Variants in DIP2A observed in about 807,000 individuals in gnomAD.
DIP2A encodes the protein disco-interacting protein 2 homolog A.
In DIP2A, 85 loss-of-function variants were observed where a neutral mutation model predicts 177.4. That is an observed-to-expected ratio of 0.48 (90% CI 0.40 to 0.57). The LOEUF is 0.57. DIP2A is among the 20% of genes least tolerant of loss of function. The pLI is 0.00. For missense variants in DIP2A, 1,791 were observed against 2,100.2 expected (o/e 0.85, Z 2.88); for synonymous variants, 886 against 881.8 (o/e 1.00, Z -0.08).
Position 46,476,652 on chromosome 21 carries a change from ATTTTTTTTT to A in DIP2A, c.92-8095_92-8087del, listed in dbSNP as rs111428142. ...CGTCTTCTAGTCATAGCATCACTCT[ATTTTTTTTT>A]TTTTTTTTTGGAGACAGAGTCTCAC... is the stretch of plus-strand genomic sequence containing the variant. On this transcript the variant is annotated intron_variant, in intron 1 of 37. Transcript: ENST00000417564. 3.1e-5 allele frequency among the ~76,000 whole-genome samples: 4 copies of A among 129,906 alleles called. No individual in the cohort carries two copies. The East Asian group carries it at 9.1e-4, about 30-fold the overall frequency. The allele number at this position is 129,906 out of a possible 152,430, so 85.2% of individuals were successfully genotyped here. A position where few individuals can be genotyped will look rare whatever the true frequency, so the allele number is the denominator to read the frequency against.
At chr21:46,560,594 G>A in intron 32 of DIP2A, 128 bp from the exon 33 acceptor site, 1 of 1,288,354 alleles carries the variant, frequency 7.8e-7, no homozygotes, top group East Asian at 2.6e-5. Context: ...CTCACTGCAG[G>A]GAGCAGAGCT....
At chr21:46,538,116 TGTTTA>T (rs2059649594) in intron 15 of DIP2A, among the ~76,000 whole-genome samples, 1 of 152,144 alleles carries the variant, frequency 6.6e-6, no homozygotes, top group South Asian at 2.1e-4. Context: ...TGAGACCATC[TGTTTA>T]GCTTCTGGGG....
intron 1 of DIP2A, among the ~76,000 whole-genome samples, chr21:46,483,651 G>A (rs1269400161): frequency 3.3e-5 from 5 of 152,194 alleles, no homozygotes; most frequent in Non-Finnish European, 7.3e-5. Flanking sequence ...GATATTCAAC[G>A]GTGTCAGTCT....
intron 1 of DIP2A, among the ~76,000 whole-genome samples, chr21:46,476,748 C>T (rs938526263): frequency 6.6e-6 from 1 of 151,454 alleles, no homozygotes; most frequent in East Asian, 1.9e-4. Flanking sequence ...CCTCCACGTC[C>T]TGGGTTCAAG....
chr21:46,469,069 T>C (rs991329693), intron 1 of DIP2A: 1 of 152,224 alleles, frequency 6.6e-6, no homozygotes, highest in African/African-American at 2.4e-5. Context: ...TTAAAACTCA[T>C]TGTATCACTC....
intron 18 of DIP2A, among the ~76,000 whole-genome samples, chr21:46,543,798 G>A (rs1040860618): frequency 6.6e-6 from 1 of 152,130 alleles, no homozygotes; most frequent in Non-Finnish European, 1.5e-5. Flanking sequence ...TGGCTGCCTG[G>A]ATGGCCACCT....
In DIP2A at chr21:46,537,611, A is replaced by T. The variant is rs2059628344; in HGVS notation, c.1801+72A>T. 6.9e-7 allele frequency: 1 copy of T among 1,456,198 alleles called. No homozygotes were observed. Among genetic ancestry groups the T allele is most frequent in the African/African-American group, 1.4e-5 (1 of 70,754 alleles). 90.2% of individuals were successfully genotyped at this position (1,456,198 alleles called of 1,614,324 possible). On this transcript the variant is annotated intron_variant, in intron 15 of 37. Transcript: ENST00000417564. The surrounding 1 kb of genome is among the most constrained non-coding windows in gnomAD (Gnocchi z 4.1). ...TCTTTGAACTGACCTTTGGTGCTTAAGAAAAAATAAAGCTGACATGTGGAA... is the reference window on the plus strand; with the variant it reads ...TCTTTGAACTGACCTTTGGTGCTTATGAAAAAATAAAGCTGACATGTGGAA...
At position 46,536,765 on chromosome 21, in the gene DIP2A, A is replaced by T. The variant is rs542677498; in HGVS notation, c.1643-459A>T. Among the ~76,000 whole-genome samples the T allele has an allele frequency of 8.5e-5, 13 of 152,198 alleles. No homozygotes were observed. In the South Asian group the frequency reaches 2.3e-3, roughly 27 times the overall value. ...CTAAAAATACAAAAATTAGCCAGGC[A>T]TGGCAGCGCATGCCTGTAGTCCCAG... On this transcript the variant is annotated intron_variant, in intron 13 of 37. Coordinates refer to ENST00000417564, the MANE Select transcript of DIP2A (RefSeq NM_015151.4).
Position 46,532,247 on chromosome 21 carries a change from C to T in DIP2A, c.1305+10C>T. 1 of 1,611,282 alleles carries T rather than the reference C, an allele frequency of 6.2e-7. No homozygotes were observed. Among genetic ancestry groups the T allele is most frequent in the Non-Finnish European group, 8.5e-7 (1 of 1,177,668 alleles). On this transcript the variant is annotated intron_variant, in intron 10 of 37. Transcript: ENST00000417564. ...GCCATTAACAAGAAAGGTAGCAAACCCATGGCTCAGGTCCCGTGTGGTTCG... is the reference window on the plus strand; with the variant it reads ...GCCATTAACAAGAAAGGTAGCAAACTCATGGCTCAGGTCCCGTGTGGTTCG...
chr21:46,534,515 C>A, intron 12 of DIP2A, 70 bp from the exon 13 acceptor site: 1 of 1,413,550 alleles, frequency 7.1e-7, no homozygotes, highest in Non-Finnish European at 9.8e-7. Flanking sequence ...GAAGATTCTA[C>A]CAGTTTCCAT....
intron 1 of DIP2A, among the ~76,000 whole-genome samples, chr21:46,481,218 C>T (rs1178844315): frequency 1.4e-5 from 2 of 147,108 alleles, no homozygotes; most frequent in African/African-American, 5.1e-5. Flanking sequence ...AATCATATAG[C>T]ATGTAACCTT....
downstream of DIP2A, among the ~76,000 whole-genome samples, chr21:46,574,838 T>C (rs2060982704): frequency 6.6e-6 from 1 of 152,168 alleles, no homozygotes; most frequent in African/African-American, 2.4e-5. Flanking sequence ...GATGGCTTCA[T>C]TGGTGAATTC....
chr21:46,575,860 A>C, the DIP2A span, among the ~76,000 whole-genome samples: 1 of 152,236 alleles, frequency 6.6e-6, no homozygotes, highest in Admixed American at 6.5e-5. Flanking sequence ...GTCCCTATCC[A>C]AATTCTAATT....
At chr21:46,493,314 C>G (rs984987381) in intron 3 of DIP2A, among the ~76,000 whole-genome samples, 1 of 151,638 alleles carries the variant, frequency 6.6e-6, no homozygotes. Flanking sequence ...TGTTTTTAAT[C>G]TATACTTATT....
At chr21:46,540,104 T>A in intron 17 of DIP2A, 113 bp downstream of exon 17, 1 of 871,140 alleles carries the variant, frequency 1.1e-6, no homozygotes, top group African/African-American at 1.7e-5. Flanking sequence ...ATTTGTGCAG[T>A]AGTACCTTGG....
chr21:46,567,597 C>T lies in DIP2A; in HGVS notation c.4691C>T (p.Pro1564Leu). The change falls in exon 38 of 38, where the codon CCC (proline) becomes CTC (leucine). Residue 1564 changes from proline (P) to leucine (L), a missense_variant. Transcript: ENST00000417564. ...RDGFLADQLDPIYVAYNM is the reference protein window; with the variant it reads ...RDGFLADQLDLIYVAYNM ...GGCTTCCTGGCTGACCAGCTGGACC[C>T]CATCTATGTCGCCTACAACATGTGA... 6.2e-7 allele frequency: 1 copy of T among 1,605,944 alleles called. No individual in the cohort carries two copies. Among genetic ancestry groups the T allele is most frequent in the Non-Finnish European group, 8.5e-7 (1 of 1,175,384 alleles).
Position 46,492,675 on chromosome 21 carries a change from G to A in DIP2A, c.283+1956G>A, listed in dbSNP as rs1249859580. On this transcript the variant is annotated intron_variant, in intron 3 of 37. Coordinates refer to ENST00000417564, the MANE Select transcript of DIP2A (RefSeq NM_015151.4). ...TGGGATCGGTGCCCTTATAAGAAGA[G>A]GCATTGGCCAGGCGTGGTTGTTCAC... Among the ~76,000 whole-genome samples the A allele has an allele frequency of 3.3e-5, 5 of 152,270 alleles. No individual in the cohort carries two copies. In the South Asian group the frequency reaches 1.0e-3, roughly 32 times the overall value.
intron 21 of DIP2A, among the ~76,000 whole-genome samples, chr21:46,547,849 T>C (rs1015541140): frequency 2.0e-5 from 3 of 151,882 alleles, no homozygotes; most frequent in Non-Finnish European, 4.4e-5. Context: ...TTTAATTTTT[T>C]TGTAGAGATA....
intron 1 of DIP2A, among the ~76,000 whole-genome samples, chr21:46,460,974 A>G (rs953983689): frequency 2.0e-5 from 3 of 151,260 alleles, no homozygotes; most frequent in Non-Finnish European, 2.9e-5. Context: ...GATTACAGGC[A>G]TGAGCCACCG....
Sources: gnomAD v4.1 joint callset for allele counts (sites outside exome capture counted in the v4.1 genomes callset) on GRCh38, gnomAD v4.1.1 for gene constraint, Gnocchi (gnomAD v3.1) non-coding constraint, MANE v1.5 for transcripts, NCBI Gene and HGNC (gene_info 2026-07-23, HGNC 2026-07-21) for gene names.